TNC: variants seen among roughly 807,000 people sequenced by gnomAD.
TNC encodes the protein tenascin C.
TNC carries 109 observed loss-of-function variants against 202.4 expected under a neutral mutation model. That is an observed-to-expected ratio of 0.54 (90% CI 0.46 to 0.63). The LOEUF (loss-of-function observed/expected upper bound fraction) is 0.63. Ranked by LOEUF, TNC falls within the 30% of genes least tolerant of loss-of-function variation. TNC has a pLI of 0.00. For missense variants in TNC, 2,756 were observed against 2,833.3 expected, an observed-to-expected ratio of 0.97 and a Z score of 0.62; for synonymous variants, 1,007 against 1,089.7, an observed-to-expected ratio of 0.92 and a Z score of 1.50.
Position 115,048,380 on chromosome 9 carries a change from A to G in TNC, c.4732T>C (p.Ser1578Pro), listed in dbSNP as rs1333192986. ...KLLDPQEFTLSGTQRKLELRG... is the reference protein window; with the variant it reads ...KLLDPQEFTLPGTQRKLELRG... The stretch of plus-strand genomic sequence containing the variant: ...AGCTCCAGCTTCCTCTGGGTTCCTG[A>G]AAGTGTGAATTCCTGGGGGTCCAGC... Residue 1578 changes from serine (S) to proline (P), a missense_variant, in exon 16 of 28, where the codon TCA becomes CCA. Around this residue, in one of 2 missense-constraint regions of TNC, gnomAD observed 2,559 missense variants for 2,546.0 expected, o/e 1.01. Coordinates refer to ENST00000350763, the MANE Select transcript of TNC (RefSeq NM_002160.4). The G allele has an allele frequency of 1.2e-6, 2 of 1,614,084 alleles. No individual in the cohort carries two copies. The highest frequency in any genetic ancestry group is 1.7e-6 in the Non-Finnish European group (2 of 1,179,984).
intron 3 of TNC, among the ~76,000 whole-genome samples, 185 bp downstream of exon 3, chr9:115,085,679 T>C (rs1742886291): frequency 6.6e-6 from 1 of 152,202 alleles, no homozygotes; most frequent in Non-Finnish European, 1.5e-5. Context: ...TAGGTCACCT[T>C]GTAACAACGG....
Position 115,041,103 on chromosome 9 carries a change from A to C in TNC, c.5249-19T>G. 6.3e-7 allele frequency: 1 copy of C among 1,598,546 alleles called. No homozygotes were observed. Among genetic ancestry groups the C allele is most frequent in the Non-Finnish European group, 8.5e-7 (1 of 1,170,592 alleles). On this transcript the variant is annotated intron_variant, in intron 18 of 27. Transcript: ENST00000350763. ...GGTGTACCTGGAACACAGTAAAAGC[A>C]AGATGAGGAATAATGAACCTCACTG...
chr9:115,109,751 A>G (rs1248737818), intron 1 of TNC, among the ~76,000 whole-genome samples: 2 of 152,202 alleles, frequency 1.3e-5, no homozygotes, highest in African/African-American at 4.8e-5. Flanking sequence ...GTGTCCTGAG[A>G]CAGTTTCCTG....
At chr9:115,082,001 T>C in intron 5 of TNC, 73 bp from the exon 6 acceptor site, 1 of 1,391,814 alleles carries the variant, frequency 7.2e-7, no homozygotes, top group Non-Finnish European at 9.8e-7. Flanking sequence ...TCATTCACTC[T>C]GCATTCATTC....
At chr9:115,111,237 G>A (rs1211559108) in intron 1 of TNC, among the ~76,000 whole-genome samples, 1 of 152,024 alleles carries the variant, frequency 6.6e-6, no homozygotes, top group Non-Finnish European at 1.5e-5. Context: ...CTGCCTCCCG[G>A]CATTCTCATA....
At chr9:115,092,931 T>C (rs1564133722) in intron 1 of TNC, among the ~76,000 whole-genome samples, 1 of 152,198 alleles carries the variant, frequency 6.6e-6, no homozygotes, top group Non-Finnish European at 1.5e-5. Flanking sequence ...CATTTCCCTA[T>C]GCCCATGATA....
At position 115,030,338 on chromosome 9, in the gene TNC, G is replaced by A. The variant is rs1485308582; in HGVS notation, c.5988C>T (p.Gly1996=). The change falls in exon 24 of 28, where the codon GGC becomes GGT. Residue 1996 remains glycine (G), a synonymous_variant. Coordinates refer to ENST00000350763, the MANE Select transcript of TNC (RefSeq NM_002160.4). ...QAMLNGDTTS[G]LYTIYLNGDK... is the part of the protein sequence containing the mutation. Reference sequence around the variant, plus strand: ...CACCATTCAGATAAATGGTGTAGAGGCCAGAGGTCGTGTCTCCATTCAGCA... The same window carrying A: ...CACCATTCAGATAAATGGTGTAGAGACCAGAGGTCGTGTCTCCATTCAGCA... 1 of 1,613,572 alleles carries A rather than the reference G, an allele frequency of 6.2e-7. No individual in the cohort carries two copies. The highest frequency in any genetic ancestry group is 1.1e-5 in the South Asian group (1 of 91,000).
At chr9:115,055,951 T>G (rs927791136) in intron 15 of TNC, among the ~76,000 whole-genome samples, 3 of 152,172 alleles carry the variant, frequency 2.0e-5, no homozygotes, top group Non-Finnish European at 4.4e-5. Context: ...CCTCTAAGTT[T>G]TTTTATACTT....
At chr9:115,060,548 T>C (rs966234115) in intron 13 of TNC, among the ~76,000 whole-genome samples, 1 of 152,258 alleles carries the variant, frequency 6.6e-6, no homozygotes, top group Non-Finnish European at 1.5e-5. Context: ...ACCTGATACA[T>C]GGCGAGTGCC....
intron 1 of TNC, among the ~76,000 whole-genome samples, chr9:115,105,131 C>A (rs1836515650): frequency 6.6e-6 from 1 of 152,132 alleles, no homozygotes; most frequent in Non-Finnish European, 1.5e-5. Flanking sequence ...TCAATAAAGT[C>A]TCATACATTT....
rs759024496 is a variant in TNC, at chr9:115,090,625, G to A, written c.394C>T (p.Leu132=). The A allele has an allele frequency of 1.2e-5, 20 of 1,609,868 alleles. No homozygotes were observed. Among genetic ancestry groups the A allele is most frequent in the Non-Finnish European group, 1.7e-5 (20 of 1,177,434 alleles). ...LLSRLEELEN[L]VSSLREQCTA... ...CATTGCTCCCTCAGGGAAGACACCA[G>A]GTTCTCCAGCTCCTCCAGTCTGCTC... Residue 132 remains leucine (L), a synonymous_variant, in exon 2 of 28, where the codon CTG becomes TTG. Transcript: ENST00000350763.
At chr9:115,077,830 C>A (rs918572106) in intron 7 of TNC, 113 bp downstream of exon 7, 36 of 1,078,836 alleles carry the variant, frequency 3.3e-5, no homozygotes, top group Non-Finnish European at 4.5e-5. Context: ...TAGAAATACC[C>A]CTTTCATTTT....
In TNC at chr9:115,049,965, G is replaced by A. The variant is rs139209567; in HGVS notation, c.4580-1433C>T. On this transcript the variant is annotated intron_variant, in intron 15 of 27. Transcript: ENST00000350763. ...TCCTGTAGTTATTTTGAAACACTTG[G>A]TGTTTATTCTGAGGCAGTTTTTTCC... 7.1e-3 allele frequency among the ~76,000 whole-genome samples: 1,088 copies of A among 152,228 alleles called. 7 individuals are homozygous for A. The highest frequency in any genetic ancestry group is 0.011 in the Non-Finnish European group (728 of 68,012).
intron 1 of TNC, among the ~76,000 whole-genome samples, chr9:115,116,535 A>T (rs1837482588): frequency 6.6e-6 from 1 of 152,198 alleles, no homozygotes. Context: ...TAAAACACAT[A>T]TGGGAAAGCT....
At chr9:115,073,915 C>T in intron 9 of TNC, 49 bp from the exon 10 acceptor site, 1 of 1,567,700 alleles carries the variant, frequency 6.4e-7, no homozygotes, top group Non-Finnish European at 8.6e-7. Flanking sequence ...CAAGACAGGG[C>T]TGCTTCTGGG....
Position 115,076,069 on chromosome 9 carries a change from G to A in TNC, c.2913C>T (p.Asp971=). 6.2e-7 allele frequency: 1 copy of A among 1,614,118 alleles called. No individual in the cohort carries two copies. The highest frequency in any genetic ancestry group is 8.5e-7 in the Non-Finnish European group (1 of 1,180,026). Residue 971 remains aspartate, a synonymous_variant, in exon 9 of 28, where the codon GAC becomes GAT. Coordinates refer to ENST00000350763, the MANE Select transcript of TNC (RefSeq NM_002160.4). ...YGIGVSAVKE[D]KESNPATINA... The stretch of plus-strand genomic sequence containing the variant: ...TGATGGTCGCTGGATTGCTCTCCTT[G>A]TCTTCCTTCACAGCAGAAACTCCAA...
chr9:115,063,178 C>G lies in TNC; in HGVS notation c.3772G>C (p.Asp1258His). ...SVEVLTEEVP[D>H]MGNLTVTEVS... ...TCGGTCACTGTGAGGTTTCCCATATCTGGAACCTCCTCTGCATAAGGACAC... is the reference window on the plus strand; with the variant it reads ...TCGGTCACTGTGAGGTTTCCCATATGTGGAACCTCCTCTGCATAAGGACAC... The change falls in exon 13 of 28, where the codon GAT (aspartate) becomes CAT (histidine). Residue 1258 changes from aspartate (D) to histidine (H), a missense_variant. Around this residue, in one of 2 missense-constraint regions of TNC, gnomAD observed 2,559 missense variants for 2,546.0 expected, o/e 1.01. Transcript: ENST00000350763. 1 of 1,614,014 alleles carries G rather than the reference C, an allele frequency of 6.2e-7. No individual in the cohort carries two copies. The highest frequency in any genetic ancestry group is 8.5e-7 in the Non-Finnish European group (1 of 1,179,924).
At position 115,031,503 on chromosome 9, in the gene TNC, T is replaced by A. The variant is rs760723626; in HGVS notation, c.5920+50A>T. The A allele has an allele frequency of 2.8e-6, 4 of 1,451,794 alleles. No homozygotes were observed. In the Admixed American group the frequency reaches 1.1e-4, roughly 39 times the overall value. The allele number at this position is 1,451,794 out of a possible 1,614,324, so 89.9% of individuals were successfully genotyped here. On this transcript the variant is annotated intron_variant, in intron 23 of 27. Coordinates refer to ENST00000350763, the MANE Select transcript of TNC (RefSeq NM_002160.4). ...AGTCAAAGGGGAAGTCAAGGGTTGA[T>A]TCAGTCAAAGTTAGATCTCAAGGCT...
rs1431464177 is a variant in TNC, at chr9:115,030,400, G to A, written c.5926C>T (p.Leu1976Phe). Residue 1976 changes from leucine (L) to phenylalanine (F), a missense_variant, in exon 24 of 28, where the codon CTC becomes TTC. This residue lies in a region of TNC where 2,559 missense variants were observed against 2,546.0 expected (regional missense o/e 1.01). Transcript: ENST00000350763. ...CAGTCCTTGGGGAAGGGGTACAGGA[G>A]TCCAACTGTGGAATAAGGAGAAATG... ...MIQTIFTTIG[L>F]LYPFPKDCSQ... The A allele has an allele frequency of 2.5e-6, 4 of 1,611,804 alleles. No individual in the cohort carries two copies. The highest frequency in any genetic ancestry group is 2.5e-6 in the Non-Finnish European group (3 of 1,178,516).
Sources: allele counts gnomAD v4.1 joint callset (sites outside exome capture counted in the v4.1 genomes callset), GRCh38; gene constraint gnomAD v4.1.1; regional missense constraint gnomAD v4.1.1; transcripts MANE v1.5; gene names NCBI Gene and HGNC (gene_info 2026-07-23, HGNC 2026-07-21).